The following CYLC1 variants were observed in gnomAD, a reference collection of about 807,000 sequenced individuals.
The protein encoded by CYLC1 is cylicin-1.
In CYLC1, 2 loss-of-function variants were observed where a neutral mutation model predicts 31.6. The observed-to-expected ratio is 0.06, with a 90% CI of 0.03 to 0.20. The LOEUF (loss-of-function observed/expected upper bound fraction) is 0.20. Among genes scored for constraint, CYLC1 ranks in the 10% least tolerant of loss-of-function variants. The pLI, the probability that CYLC1 is intolerant of heterozygous loss-of-function variation, is 1.00. For missense variants in CYLC1, 595 were observed against 424.1 expected (o/e 1.40, Z -3.54); for synonymous variants, 185 against 153.0 (o/e 1.21, Z -1.54).
intron 4 of CYLC1, among the ~76,000 whole-genome samples, chrX:83,879,565 T>C (rs1053817962): frequency 2.7e-5 from 3 of 111,762 alleles, no homozygotes; most frequent in Non-Finnish European, 5.6e-5. Context: ...TACATTGTGA[T>C]TTGTTTTCCT....
At chrX:83,882,206 A>G (rs1296396576) in intron 4 of CYLC1, among the ~76,000 whole-genome samples, 2 of 110,791 alleles carry the variant, frequency 1.8e-5, no homozygotes, top group Admixed American at 9.7e-5. Context: ...CTACTTCTCA[A>G]TTTTACACAT....
chrX:83,879,242 C>T (rs2031875855), intron 4 of CYLC1, among the ~76,000 whole-genome samples: 1 of 110,244 alleles, frequency 9.1e-6, no homozygotes, highest in African/African-American at 3.3e-5. Flanking sequence ...TCCTCATGTC[C>T]ACTTTCTGAT....
intron 3 of CYLC1, among the ~76,000 whole-genome samples, chrX:83,871,949 T>G (rs2031671684): frequency 9.0e-6 from 1 of 111,181 alleles, no homozygotes. Context: ...AGATTCAAGT[T>G]TTCTACTGTT....
In CYLC1 at chrX:83,873,720, GGAGAC is replaced by G. The variant is rs1331993044; in HGVS notation, c.1013_1017del (p.Gly338ValfsTer4). ...CACAGAGTCTACTGATGCTGAATCTGGAGACTCAAAGGATGAAAGGAAAGATACAA... is the reference window on the plus strand; with the variant it reads ...CACAGAGTCTACTGATGCTGAATCTGTCAAAGGATGAAAGGAAAGATACAA... On this transcript the variant is annotated frameshift_variant, in exon 4 of 5. Coordinates refer to ENST00000329312, the MANE Select transcript of CYLC1 (RefSeq NM_021118.3). LOFTEE classifies it high-confidence loss of function. 4.2e-6 allele frequency: 5 copies of G among 1,189,607 alleles called. No individual in the cohort carries two copies. The East Asian group carries it at 1.2e-4, about 28-fold the overall frequency.
intron 1 of CYLC1, among the ~76,000 whole-genome samples, chrX:83,863,723 A>G (rs2031549495): frequency 8.9e-6 from 1 of 111,791 alleles, no homozygotes; most frequent in Non-Finnish European, 1.9e-5. Context: ...GTCTGCATTC[A>G]TCTTTACCCC....
rs771596731 is a variant in CYLC1 at position 83,871,519 on chromosome X, G to T, written c.126G>T (p.Gln42His). ...CTTTGACATTTCCCAAACCACTCCAGAGAGGTACAAATGATAAATCAAGAC... is the reference window on the plus strand; with the variant it reads ...CTTTGACATTTCCCAAACCACTCCATAGAGGTACAAATGATAAATCAAGAC... ...HFALTFPKPL[Q>H]RGTNDKSRPL... The change falls in exon 3 of 5, where the codon CAG becomes CAT. Residue 42 changes from glutamine to histidine, a missense_variant. Gln to His is a conservative substitution (Grantham distance 24, BLOSUM62 0). Coordinates refer to ENST00000329312, the MANE Select transcript of CYLC1 (RefSeq NM_021118.3). 8.3e-7 allele frequency: 1 copy of T among 1,203,764 alleles called. No homozygotes were observed. Among genetic ancestry groups the T allele is most frequent in the South Asian group, 1.8e-5 (1 of 55,576 alleles).
chrX:83,874,056 C>A lies in CYLC1; in HGVS notation c.1348C>A (p.Pro450Thr). The change falls in exon 4 of 5, where the codon CCG becomes ACG. Residue 450 changes from proline to threonine, a missense_variant. Physicochemically the swap from Pro to Thr is conservative, Grantham distance 38 (BLOSUM62 -1). Coordinates refer to ENST00000329312, the MANE Select transcript of CYLC1 (RefSeq NM_021118.3). ...DEESTDADSEPKGDSKKGKKD... is the reference protein window; with the variant it reads ...DEESTDADSETKGDSKKGKKD... ...AGAGTCTACTGATGCTGACTCTGAA[C>A]CGAAGGGAGATTCAAAAAAGGGTAA... The A allele has an allele frequency of 8.3e-7, 1 of 1,200,992 alleles. No homozygotes were observed. The highest frequency in any genetic ancestry group is 1.1e-6 in the Non-Finnish European group (1 of 889,738).
chrX:83,879,169 C>A (rs1392784208), intron 4 of CYLC1, among the ~76,000 whole-genome samples: 4 of 109,899 alleles, frequency 3.6e-5, no homozygotes, highest in Non-Finnish European at 7.6e-5. Context: ...TCTTTATTAA[C>A]AAAAATACAA....
chrX:83,883,441 A>G (rs2031939844), intron 4 of CYLC1, among the ~76,000 whole-genome samples: 2 of 111,910 alleles, frequency 1.8e-5, no homozygotes, highest in Admixed American at 1.9e-4. Context: ...CGTGTCAGGC[A>G]CTGTTCAAAT....
rs188814146 is a variant in CYLC1, at chrX:83,885,972, A to T, written c.1924-580A>T. On this transcript the variant is annotated intron_variant, in intron 4 of 4. Transcript: ENST00000329312. ...ATGGAGCCTAGGAAATTAGAGGGAA[A>T]AGTTTGTACTATAAGGCTAAGAGAA... Among the ~76,000 whole-genome samples the T allele has an allele frequency of 2.4e-3, 265 of 110,211 alleles. 2 individuals are homozygous for T. Among genetic ancestry groups the T allele is most frequent in the Middle Eastern group, 9.7e-3 (2 of 206 alleles).
chrX:83,884,223 T>G (rs920901744), intron 4 of CYLC1, among the ~76,000 whole-genome samples: 4 of 111,683 alleles, frequency 3.6e-5, no homozygotes, highest in African/African-American at 9.7e-5. Flanking sequence ...CACAACAAGT[T>G]TTTTTTAGAA....
intron 1 of CYLC1, among the ~76,000 whole-genome samples, chrX:83,865,667 C>A (rs991187366): frequency 9.0e-6 from 1 of 111,418 alleles, no homozygotes; most frequent in African/African-American, 3.3e-5. Flanking sequence ...CCTTTTTTAG[C>A]TTCTTGTGGC....
chrX:83,868,836 C>T (rs1217365574), intron 1 of CYLC1, among the ~76,000 whole-genome samples: 1 of 110,639 alleles, frequency 9.0e-6, no homozygotes, highest in Non-Finnish European at 1.9e-5. Context: ...ATATCTTTCA[C>T]GTTATTTTAC....
intron 4 of CYLC1, among the ~76,000 whole-genome samples, chrX:83,876,516 T>C (rs1481803202): frequency 9.0e-6 from 1 of 111,338 alleles, no homozygotes; most frequent in African/African-American, 3.3e-5. Context: ...TCTAGGCTTG[T>C]ACAATTCATG....
chrX:83,874,934 T>G (rs1465703778), intron 4 of CYLC1, among the ~76,000 whole-genome samples: 1 of 110,896 alleles, frequency 9.0e-6, no homozygotes, highest in African/African-American at 3.3e-5. Flanking sequence ...GGTTAAGTTT[T>G]ATACTTGGAA....
intron 2 of CYLC1, among the ~76,000 whole-genome samples, chrX:83,870,622 A>G (rs2147778929): frequency 8.9e-6 from 1 of 111,944 alleles, no homozygotes; most frequent in South Asian, 3.6e-4. Flanking sequence ...AATGCTTAGA[A>G]CACAGTCTGG....
chrX:83,870,320 T>A (rs1442928539), intron 2 of CYLC1, among the ~76,000 whole-genome samples: 1 of 111,445 alleles, frequency 9.0e-6, no homozygotes, highest in Admixed American at 9.6e-5. Context: ...TATACTGAGC[T>A]GAAGTCTGCC....
chrX:83,867,801 A>G (rs1423418732), intron 1 of CYLC1, among the ~76,000 whole-genome samples: 1 of 111,435 alleles, frequency 9.0e-6, no homozygotes, highest in East Asian at 2.8e-4. Flanking sequence ...TCTCAACTGA[A>G]CCACTTATGC....
intron 4 of CYLC1, 51 bp downstream of exon 4, chrX:83,874,682 G>T: frequency 9.3e-7 from 1 of 1,080,689 alleles, no homozygotes; most frequent in South Asian, 2.6e-5. Flanking sequence ...TAAAATGAAA[G>T]ACTTTTTAAA....
Sources: gnomAD v4.1 joint callset for allele counts (sites outside exome capture counted in the v4.1 genomes callset) on GRCh38, gnomAD v4.1.1 for gene constraint, MANE v1.5 for transcripts, NCBI Gene and HGNC (gene_info 2026-07-23, HGNC 2026-07-21) for gene names.